The following SMG5 variants were observed in gnomAD, a reference collection of about 807,000 sequenced individuals.
The protein encoded by SMG5 is SMG5 nonsense mediated mRNA decay factor, also known as nonsense-mediated mRNA decay factor SMG5.
In SMG5, 53 loss-of-function variants were observed where a neutral mutation model predicts 122.9. The ratio of observed to expected loss-of-function variants is 0.43; its 90% CI spans 0.35 to 0.54. The LOEUF is 0.54. SMG5 is among the 20% of genes least tolerant of loss of function. The pLI is 0.01. For missense variants in SMG5, 1,153 were observed against 1,285.6 expected (o/e 0.90, Z 1.58); for synonymous variants, 477 against 490.2 (o/e 0.97, Z 0.35).
intron 4 of SMG5, 71 bp from the exon 5 acceptor site, chr1:156,274,757 T>C (rs893199320): frequency 4.1e-5 from 52 of 1,265,048 alleles, no homozygotes; most frequent in Non-Finnish European, 5.9e-5. Flanking sequence ...GAAATACCCC[T>C]CCGAGATGTA....
In SMG5 at chr1:156,267,634, T is replaced by C; in HGVS notation, c.953A>G (p.Glu318Gly). Reference protein sequence around the residue: ...ELTSLCQSVLEDFNLCLFYLP... With the variant: ...ELTSLCQSVLGDFNLCLFYLP... ...GTAGAAGAGGCAGAGGTTGAAGTCC[T>C]CCAGGACTGACTGGCAAAGTGAGGT... is the stretch of plus-strand genomic sequence containing the variant. The change falls in exon 10 of 22, where the codon GAG becomes GGG. Residue 318 changes from glutamate (E) to glycine (G), a missense_variant. Transcript: ENST00000361813. The C allele has an allele frequency of 6.2e-7, 1 of 1,612,702 alleles. No individual in the cohort carries two copies. The highest frequency in any genetic ancestry group is 1.1e-5 in the South Asian group (1 of 90,976).
rs779165543 is a variant in SMG5 at position 156,268,345 on chromosome 1, T to C, written c.784A>G (p.Met262Val). 3 of 1,614,188 alleles carry C rather than the reference T, an allele frequency of 1.9e-6. No individual in the cohort carries two copies. The highest frequency in any genetic ancestry group is 2.5e-6 in the Non-Finnish European group (3 of 1,180,036). Residue 262 changes from methionine to valine, a missense_variant, in exon 8 of 22, where the codon ATG becomes GTG. Transcript: ENST00000361813. ...LKRLYDKAAK[M>V]YHQLKKCETR... ...TCACACTTCTTCAGTTGGTGGTACA[T>C]TTTGGCTGCCTTGTCATACAGCCGC...
At position 156,260,603 on chromosome 1, in the gene SMG5, GGACCTCAGGACACA is replaced by G. The variant is rs1661779420; in HGVS notation, c.2117_2130del (p.Leu706SerfsTer5). The G allele has an allele frequency of 6.6e-7, 1 of 1,515,214 alleles. No homozygotes were observed. Among genetic ancestry groups the G allele is most frequent in the African/African-American group, 1.4e-5 (1 of 69,952 alleles). 93.9% of individuals were successfully genotyped at this position (1,515,214 alleles called of 1,614,324 possible). A position where few individuals can be genotyped will look rare whatever the true frequency, so the allele number is the denominator to read the frequency against. ...AGTTCACAACCTTCAAGAAGATCTTGGACCTCAGGACACAAGGCCAGGCCTGGGCAGAAGAAGGA... is the reference window on the plus strand; with the variant it reads ...AGTTCACAACCTTCAAGAAGATCTTGAGGCCAGGCCTGGGCAGAAGAAGGA... On this transcript the variant is annotated frameshift_variant, in exon 15 of 22. Transcript: ENST00000361813. LOFTEE classifies it high-confidence loss of function.
chr1:156,249,878 G>A lies in SMG5; in HGVS notation c.*709C>T, dbSNP rs1395606806. On this transcript the variant is annotated 3_prime_UTR_variant, in exon 22 of 22. Transcript: ENST00000361813. The stretch of plus-strand genomic sequence containing the variant: ...CAGGCCAGACTGCCTGCAGCCCTAG[G>A]TGGGGCCTGCTCCCTGCCCTGGAAG... The A allele has an allele frequency of 1.3e-5, 6 of 471,136 alleles. No homozygotes were observed. Among genetic ancestry groups the A allele is most frequent in the Admixed American group, 1.2e-4 (5 of 42,576 alleles). The allele number at this position is 471,136 out of a possible 1,614,324, so 29.2% of individuals were successfully genotyped here.
rs150830274 is a variant in SMG5, at chr1:156,249,635, G to C, written c.*952C>G. 2 of 417,058 alleles carry C rather than the reference G, an allele frequency of 4.8e-6. No homozygotes were observed. The highest frequency in any genetic ancestry group is 4.1e-5 in the African/African-American group (2 of 48,616). The allele number at this position is 417,058 out of a possible 1,614,324, so 25.8% of individuals were successfully genotyped here. A position where few individuals can be genotyped will look rare whatever the true frequency, so the allele number is the denominator to read the frequency against. ...GCGGAAGGCAAAAGGAGGGACGGGG[G>C]CCTCTGACTGAGCAGCTTCAAGGAG... On this transcript the variant is annotated 3_prime_UTR_variant, in exon 22 of 22. Transcript: ENST00000361813.
In SMG5 at chr1:156,250,769, A is replaced by C. The variant is rs911804336; in HGVS notation, c.2967+89T>G. On this transcript the variant is annotated intron_variant, in intron 21 of 21. Coordinates refer to ENST00000361813, the MANE Select transcript of SMG5 (RefSeq NM_015327.3). ...GGAAGGAGTGATGGAAGAGAAAAAAAGGTAGCTATGTGGAGGGTCTGGGGA... is the reference window on the plus strand; with the variant it reads ...GGAAGGAGTGATGGAAGAGAAAAAACGGTAGCTATGTGGAGGGTCTGGGGA... 13 of 1,603,808 alleles carry C rather than the reference A, an allele frequency of 8.1e-6. No homozygotes were observed. In the African/African-American group the frequency reaches 1.7e-4, roughly 21 times the overall value.
intron 20 of SMG5, 74 bp from the exon 21 acceptor site, chr1:156,251,070 G>GCCCCTGTCCCCT: frequency 6.4e-7 from 1 of 1,565,392 alleles, no homozygotes; most frequent in Non-Finnish European, 8.7e-7. Context: ...GGATCTCCAG[G>GCCCCTGTCCCCT]GGACAGGGGC....
upstream of SMG5, among the ~76,000 whole-genome samples, chr1:156,287,431 T>A (rs1031255923): frequency 6.6e-6 from 1 of 151,650 alleles, no homozygotes; most frequent in Non-Finnish European, 1.5e-5. Context: ...AATAAATAAA[T>A]AATTAAAATT....
In SMG5 at chr1:156,267,796, A is replaced by C. The variant is rs112546009; in HGVS notation, c.909-118T>G. 3.2e-4 allele frequency: 285 copies of C among 893,606 alleles called. 1 individual carries two copies. In the African/African-American group the frequency reaches 4.4e-3, roughly 14 times the overall value. The allele number at this position is 893,606 out of a possible 1,614,324, so 55.4% of individuals were successfully genotyped here. A position where few individuals can be genotyped will look rare whatever the true frequency, so the allele number is the denominator to read the frequency against. ...GATGCTGCAGGGGAGACCTGAGAGCACACCAGGGAAGGGTAGTGCTGGATT... is the reference window on the plus strand; with the variant it reads ...GATGCTGCAGGGGAGACCTGAGAGCCCACCAGGGAAGGGTAGTGCTGGATT... On this transcript the variant is annotated intron_variant, in intron 9 of 21. Transcript: ENST00000361813.
At chr1:156,278,784 C>A in intron 2 of SMG5, 152 bp downstream of exon 2, 1 of 657,568 alleles carries the variant, frequency 1.5e-6, no homozygotes, top group South Asian at 1.9e-5. Flanking sequence ...GATCCTATCT[C>A]CTCTCTTAGG....
chr1:156,276,267 T>C (rs1451299588), intron 4 of SMG5, among the ~76,000 whole-genome samples: 1 of 151,540 alleles, frequency 6.6e-6, no homozygotes, highest in East Asian at 1.9e-4. Flanking sequence ...GCTGGGATTA[T>C]AGGTGCACGC....
At chr1:156,253,224 A>G in intron 17 of SMG5, 146 bp from the exon 18 acceptor site, 4 of 1,040,150 alleles carry the variant, frequency 3.8e-6, no homozygotes, top group Non-Finnish European at 5.5e-6. Context: ...TTTGGGGGAA[A>G]AGTAAACAGA....
chr1:156,279,475 C>G (rs958119831), intron 1 of SMG5, among the ~76,000 whole-genome samples: 3 of 152,170 alleles, frequency 2.0e-5, no homozygotes, highest in Admixed American at 2.0e-4. Context: ...GGCAGAAAAT[C>G]TAGGGTTTGA....
At chr1:156,281,359 C>A (rs1170703720) in intron 1 of SMG5, among the ~76,000 whole-genome samples, 1 of 152,208 alleles carries the variant, frequency 6.6e-6, no homozygotes, top group Non-Finnish European at 1.5e-5. Flanking sequence ...ATATTGCAGA[C>A]ACTGCCCACG....
intron 8 of SMG5, 29 bp from the exon 9 acceptor site, chr1:156,268,212 C>A (rs370797881): frequency 6.2e-7 from 1 of 1,613,872 alleles, no homozygotes; most frequent in Non-Finnish European, 8.5e-7. Flanking sequence ...AAAGTAAATG[C>A]TGAATGGTCC....
chr1:156,262,271 C>T (rs571430772), intron 13 of SMG5, among the ~76,000 whole-genome samples: 4 of 151,806 alleles, frequency 2.6e-5, no homozygotes, highest in Non-Finnish European at 5.9e-5. Flanking sequence ...CTGAGGCAGG[C>T]GGATCAAGAC....
rs1307560575 is a variant in SMG5, at chr1:156,265,764, T to C, written c.1855+17A>G. The C allele has an allele frequency of 1.2e-6, 2 of 1,608,500 alleles. No individual in the cohort carries two copies. On this transcript the variant is annotated intron_variant, in intron 12 of 21. Coordinates refer to ENST00000361813, the MANE Select transcript of SMG5 (RefSeq NM_015327.3). ...GGAGGTGCGGACCAGAACAGGATGA[T>C]GAAGTGGTCCAAATACCTGGCTCTG...
rs1383907352 is a variant in SMG5 at position 156,278,916 on chromosome 1, G to A, written c.173+20C>T. On this transcript the variant is annotated intron_variant, in intron 2 of 21. Coordinates refer to ENST00000361813, the MANE Select transcript of SMG5 (RefSeq NM_015327.3). ...GGCAGGGAAACAGTAAGGATCTGTGGTTTAGAGTCTCTAGCTTACTTGTTC... is the reference window on the plus strand; with the variant it reads ...GGCAGGGAAACAGTAAGGATCTGTGATTTAGAGTCTCTAGCTTACTTGTTC... The A allele has an allele frequency of 1.3e-6, 2 of 1,595,178 alleles. No individual in the cohort carries two copies. Among genetic ancestry groups the A allele is most frequent in the Non-Finnish European group, 1.7e-6 (2 of 1,162,834 alleles).
At chr1:156,289,031 AATCCAGGTCCTTTTCCTCTCTT>A in the SMG5 span, among the ~76,000 whole-genome samples, 1 of 152,230 alleles carries the variant, frequency 6.6e-6, no homozygotes, top group African/African-American at 2.4e-5. Flanking sequence ...GCAGGACTAG[AATCCAGGTCCTTTTCCTCTCTT>A]ATCCAGGGTC....
Sources: allele counts gnomAD v4.1 joint callset (sites outside exome capture counted in the v4.1 genomes callset), GRCh38; gene constraint gnomAD v4.1.1; transcripts MANE v1.5; gene names NCBI Gene and HGNC (gene_info 2026-07-23, HGNC 2026-07-21).